SBF2: variants seen among roughly 807,000 people sequenced by gnomAD.
SBF2 encodes myotubularin-related protein 13.
SBF2 carries 112 observed loss-of-function variants against 225.2 expected under a neutral mutation model. The observed-to-expected ratio is 0.50, with a 90% confidence interval of 0.43 to 0.58. The LOEUF (loss-of-function observed/expected upper bound fraction) is 0.58, where lower values mean the gene tolerates loss of function less well. Among genes scored for constraint, SBF2 ranks in the 20% least tolerant of loss-of-function variants. The pLI is 0.00. For missense variants in SBF2, 1,996 were observed against 2,206.2 expected (o/e 0.90, Z 1.91); for synonymous variants, 763 against 773.3 (o/e 0.99, Z 0.22).
rs529128052 is a variant in SBF2 at position 9,813,902 on chromosome 11, A to C, written c.3979-1194T>G. Among the ~76,000 whole-genome samples the C allele has an allele frequency of 2.1e-4, 32 of 152,202 alleles. 1 individual carries two copies. In the South Asian group the frequency reaches 3.9e-3, roughly 19 times the overall value. ...GGTTGCAGTGAGCTGAGATGACACC[A>C]CTGCACTCCAGCGTGGGCAGCAGAG... On this transcript the variant is annotated intron_variant, in intron 29 of 39. Coordinates refer to ENST00000256190, the MANE Select transcript of SBF2 (RefSeq NM_030962.4).
At chr11:9,988,450 C>CA (rs1295148907) in intron 13 of SBF2, among the ~76,000 whole-genome samples, 3 of 152,176 alleles carry the variant, frequency 2.0e-5, no homozygotes, top group African/African-American at 7.2e-5. Context: ...AAGGAACAGT[C>CA]AGCAGAGTAA....
At chr11:10,113,974 C>A (rs1433874631) in intron 2 of SBF2, among the ~76,000 whole-genome samples, 1 of 151,436 alleles carries the variant, frequency 6.6e-6, no homozygotes, top group East Asian at 1.9e-4. Context: ...CAACAGGTAC[C>A]CTTTACATTC....
chr11:9,924,832 T>C (rs1449890974), intron 16 of SBF2, among the ~76,000 whole-genome samples: 1 of 152,156 alleles, frequency 6.6e-6, no homozygotes, highest in Non-Finnish European at 1.5e-5. Context: ...CACTGCAGCC[T>C]CCACCTTCCA....
Position 9,847,050 on chromosome 11 carries a change from A to G in SBF2, c.2840T>C (p.Ile947Thr), listed in dbSNP as rs1167719463. 18 of 1,613,754 alleles carry G rather than the reference A, an allele frequency of 1.1e-5. No homozygotes were observed. Among genetic ancestry groups the G allele is most frequent in the Non-Finnish European group, 1.5e-5 (18 of 1,179,734 alleles). ...GEQTVVRSFP[I>T]ASITKEKKIT... ...CTTCTTCTCCTTGGTGATGGAGGCA[A>G]TGGGAAAGCTCCGCACAACTGTCTG... The change falls in exon 23 of 40, where the codon ATT becomes ACT. Residue 947 changes from isoleucine to threonine, a missense_variant. Coordinates refer to ENST00000256190, the MANE Select transcript of SBF2 (RefSeq NM_030962.4).
At chr11:10,009,721 C>G (rs952632460) in intron 6 of SBF2, among the ~76,000 whole-genome samples, 1 of 152,156 alleles carries the variant, frequency 6.6e-6, no homozygotes, top group African/African-American at 2.4e-5. Context: ...AATAAACATA[C>G]GTGTGCATGT....
chr11:10,248,315 T>C (rs1960006071), intron 1 of SBF2, among the ~76,000 whole-genome samples: 1 of 152,194 alleles, frequency 6.6e-6, no homozygotes, highest in African/African-American at 2.4e-5. Flanking sequence ...TGTTAAGTCA[T>C]GAAAGAATTG....
At chr11:9,985,399 T>A (rs1047170802) in intron 13 of SBF2, among the ~76,000 whole-genome samples, 2 of 152,214 alleles carry the variant, frequency 1.3e-5, no homozygotes, top group Admixed American at 6.5e-5. Context: ...CTTGGCTTAC[T>A]GCAACCTCTG....
intron 2 of SBF2, among the ~76,000 whole-genome samples, chr11:10,080,392 A>C (rs1378172723): frequency 6.6e-6 from 1 of 152,090 alleles, no homozygotes; most frequent in Non-Finnish European, 1.5e-5. Context: ...AACTCAAAGA[A>C]GTTTTTAACA....
intron 38 of SBF2, among the ~76,000 whole-genome samples, chr11:9,782,181 AAT>A (rs1252474822): frequency 1.0e-4 from 5 of 47,970 alleles, no homozygotes; most frequent in Admixed American, 4.7e-4. Flanking sequence ...TGTCTCAAAA[AAT>A]AAAAAAAAAA....
chr11:10,128,321 A>G (rs1325077640), intron 2 of SBF2, among the ~76,000 whole-genome samples: 1 of 152,240 alleles, frequency 6.6e-6, no homozygotes, highest in African/African-American at 2.4e-5. Context: ...GGAGAAGTAT[A>G]CTGCGCACAA....
chr11:10,220,125 C>T (rs1591243245), intron 1 of SBF2, among the ~76,000 whole-genome samples: 1 of 152,294 alleles, frequency 6.6e-6, no homozygotes, highest in East Asian at 1.9e-4. Flanking sequence ...TTCCACATGG[C>T]TCAGGAGGCC....
intron 3 of SBF2, among the ~76,000 whole-genome samples, chr11:10,040,573 T>TG (rs565207553): frequency 7.8e-4 from 118 of 151,296 alleles, no homozygotes; most frequent in East Asian, 1.4e-3. Context: ...AAAAAAGGGA[T>TG]GGGGGGGTGC....
At chr11:9,882,622 C>T (rs1368495722) in intron 17 of SBF2, among the ~76,000 whole-genome samples, 4 of 151,944 alleles carry the variant, frequency 2.6e-5, no homozygotes, top group Non-Finnish European at 5.9e-5. Flanking sequence ...TCCTGGCTAA[C>T]ACGGTGAAAC....
intron 9 of SBF2, among the ~76,000 whole-genome samples, chr11:9,997,937 T>TG (rs1258857117): frequency 2.6e-5 from 4 of 152,162 alleles, no homozygotes; most frequent in African/African-American, 9.7e-5. Flanking sequence ...CAACATCTAA[T>TG]GGGGGATCTT....
intron 33 of SBF2, among the ~76,000 whole-genome samples, chr11:9,795,013 G>T (rs1379127165): frequency 6.6e-6 from 1 of 152,092 alleles, no homozygotes. Context: ...TCCTCTTTGT[G>T]GTACTGAGTG....
chr11:9,952,909 G>C (rs1323206336), intron 16 of SBF2, among the ~76,000 whole-genome samples: 1 of 152,156 alleles, frequency 6.6e-6, no homozygotes, highest in Admixed American at 6.5e-5. Context: ...GCGGTGAACA[G>C]GGAACACTTC....
At chr11:10,026,697 C>A (rs1949069622) in intron 6 of SBF2, among the ~76,000 whole-genome samples, 1 of 152,096 alleles carries the variant, frequency 6.6e-6, no homozygotes. Context: ...TGTGTTCATG[C>A]CACTGCATTC....
At chr11:10,176,032 T>C (rs1484110407) in intron 2 of SBF2, among the ~76,000 whole-genome samples, 1 of 111,516 alleles carries the variant, frequency 9.0e-6, no homozygotes, top group Non-Finnish European at 2.0e-5. Context: ...GGGAAATTTA[T>C]AGCACTAAAT....
At position 9,787,961 on chromosome 11, in the gene SBF2, T is replaced by G. The variant is rs980263750; in HGVS notation, c.4933-223A>C. The G allele has an allele frequency of 1.6e-5, 9 of 575,084 alleles. No homozygotes were observed. The African/African-American group carries it at 1.7e-4, about 11-fold the overall frequency. 35.6% of individuals were successfully genotyped at this position (575,084 alleles called of 1,614,324 possible). A position where few individuals can be genotyped will look rare whatever the true frequency, so the allele number is the denominator to read the frequency against. Reference sequence around the variant, plus strand: ...AAGATGGTTTATTAGGACCTATAACTAGGCCTTTTTGTACAGGATAGCTTA... The same window carrying G: ...AAGATGGTTTATTAGGACCTATAACGAGGCCTTTTTGTACAGGATAGCTTA... On this transcript the variant is annotated intron_variant, in intron 35 of 39. Transcript: ENST00000256190.
Sources: gnomAD v4.1 joint callset for allele counts (sites outside exome capture counted in the v4.1 genomes callset) on GRCh38, gnomAD v4.1.1 for gene constraint, MANE v1.5 for transcripts, NCBI Gene and HGNC (gene_info 2026-07-23, HGNC 2026-07-21) for gene names.